RNF180: variants seen among roughly 807,000 people sequenced by gnomAD.
RNF180 encodes ring finger protein 180.
RNF180 carries 38 observed loss-of-function variants against 59.2 expected under a neutral mutation model. The observed-to-expected ratio is 0.64, with a 90% confidence interval of 0.50 to 0.84. The LOEUF (loss-of-function observed/expected upper bound fraction) is 0.84, where lower values mean the gene tolerates loss of function less well. RNF180 is among the 40% of genes least tolerant of loss of function. The pLI is 0.00. For synonymous variants in RNF180, 262 were observed against 240.3 expected (o/e 1.09, Z -0.84); for missense variants, 705 against 700.9 (o/e 1.01, Z -0.07).
chr5:64,339,000 A>G (rs957027330), intron 7 of RNF180, among the ~76,000 whole-genome samples: 9 of 151,440 alleles, frequency 5.9e-5, no homozygotes, highest in East Asian at 1.9e-4. Flanking sequence ...TGTTTTGTCA[A>G]TTTCTTCCTA....
chr5:64,342,295 A>T (rs1359255537), intron 7 of RNF180, among the ~76,000 whole-genome samples: 1 of 152,160 alleles, frequency 6.6e-6, no homozygotes, highest in African/African-American at 2.4e-5. Flanking sequence ...CCCCTAAGAA[A>T]GCTAATATTG....
intron 5 of RNF180, among the ~76,000 whole-genome samples, chr5:64,315,342 T>C (rs1266640611): frequency 2.6e-5 from 4 of 152,184 alleles, no homozygotes; most frequent in Non-Finnish European, 4.4e-5. Context: ...TTTGTGAAAA[T>C]GTCTACCAAA....
chr5:64,213,500 T>G lies in RNF180; in HGVS notation c.232-58T>G. 3.3e-6 allele frequency: 5 copies of G among 1,498,438 alleles called. No homozygotes were observed. The South Asian group carries it at 5.5e-5, about 17-fold the overall frequency. The allele number at this position is 1,498,438 out of a possible 1,614,324, so 92.8% of individuals were successfully genotyped here. On this transcript the variant is annotated intron_variant, in intron 3 of 7. Coordinates refer to ENST00000389100, the MANE Select transcript of RNF180 (RefSeq NM_001113561.2). ...TGGCTGGCTTTAAAGAAAAAAAAATTTCTCTTCAGTTACTTTATAATGAAA... is the reference window on the plus strand; with the variant it reads ...TGGCTGGCTTTAAAGAAAAAAAAATGTCTCTTCAGTTACTTTATAATGAAA...
intron 5 of RNF180, among the ~76,000 whole-genome samples, chr5:64,270,559 G>T (rs919190313): frequency 6.6e-6 from 1 of 152,098 alleles, no homozygotes; most frequent in East Asian, 1.9e-4. Flanking sequence ...CAACAGTTCT[G>T]TGAGGGAAGT....
chr5:64,192,010 G>T (rs1456263891), intron 1 of RNF180, among the ~76,000 whole-genome samples: 2 of 151,814 alleles, frequency 1.3e-5, no homozygotes, highest in African/African-American at 4.8e-5. Flanking sequence ...TTTTGCATGT[G>T]GGTGTCCAGT....
chr5:64,203,387 C>T (rs1477515001), intron 2 of RNF180, among the ~76,000 whole-genome samples: 1 of 152,110 alleles, frequency 6.6e-6, no homozygotes, highest in African/African-American at 2.4e-5. Context: ...TAGATAATAA[C>T]TTAATGATTT....
intron 5 of RNF180, among the ~76,000 whole-genome samples, chr5:64,222,360 A>C (rs1202842275): frequency 6.6e-6 from 1 of 152,174 alleles, no homozygotes; most frequent in Non-Finnish European, 1.5e-5. Context: ...ATATGTATAC[A>C]TGTGCCATGT....
At chr5:64,176,173 A>T (rs1468262185) in intron 1 of RNF180, among the ~76,000 whole-genome samples, 1 of 152,108 alleles carries the variant, frequency 6.6e-6, no homozygotes, top group Non-Finnish European at 1.5e-5. Context: ...CTTAATGTAA[A>T]GGTTTTCTAT....
chr5:64,167,844 A>G (rs1302400512), intron 1 of RNF180, among the ~76,000 whole-genome samples: 1 of 152,166 alleles, frequency 6.6e-6, no homozygotes, highest in East Asian at 1.9e-4. Context: ...CCATTTGGCC[A>G]TCTGAAAAAA....
At chr5:64,315,081 T>C (rs1041241296) in intron 5 of RNF180, among the ~76,000 whole-genome samples, 1 of 152,200 alleles carries the variant, frequency 6.6e-6, no homozygotes, top group African/African-American at 2.4e-5. Context: ...ATTAGACATT[T>C]GGAAGATATT....
At chr5:64,290,443 G>T (rs923074181) in intron 5 of RNF180, among the ~76,000 whole-genome samples, 2 of 152,148 alleles carry the variant, frequency 1.3e-5, no homozygotes, top group African/African-American at 4.8e-5. Context: ...TTAATTTTCT[G>T]TCTCAGTGAT....
chr5:64,224,460 G>T (rs1365347531), intron 5 of RNF180, among the ~76,000 whole-genome samples: 1 of 152,212 alleles, frequency 6.6e-6, no homozygotes, highest in Non-Finnish European at 1.5e-5. Flanking sequence ...TTGAGAGAAT[G>T]AGAGTTTTGA....
chr5:64,276,317 T>C (rs889934485), intron 5 of RNF180, among the ~76,000 whole-genome samples: 2 of 130,818 alleles, frequency 1.5e-5, no homozygotes, highest in African/African-American at 3.1e-5. Context: ...AAAAAATACA[T>C]TGGTGTGTGT....
chr5:64,361,795 C>T (rs1419022982), intron 7 of RNF180, among the ~76,000 whole-genome samples: 1 of 151,332 alleles, frequency 6.6e-6, no homozygotes, highest in African/African-American at 2.4e-5. Flanking sequence ...AATCCAAATC[C>T]TTTTTTAGAA....
intron 1 of RNF180, among the ~76,000 whole-genome samples, chr5:64,198,997 T>C (rs1328347394): frequency 6.6e-6 from 1 of 152,148 alleles, no homozygotes; most frequent in East Asian, 1.9e-4. Flanking sequence ...TTTGTATTTT[T>C]AGTAGAGACA....
intron 5 of RNF180, chr5:64,217,629 T>C (rs1752703822): frequency 1.9e-6 from 1 of 534,320 alleles, no homozygotes; most frequent in Non-Finnish European, 2.7e-6. Context: ...TATTTTACAT[T>C]TGTATATATT....
At chr5:64,358,619 G>C (rs552521989) in intron 7 of RNF180, among the ~76,000 whole-genome samples, 1 of 151,606 alleles carries the variant, frequency 6.6e-6, no homozygotes, top group African/African-American at 2.4e-5. Flanking sequence ...TTATAGGCTA[G>C]ATTTATCAAA....
intron 1 of RNF180, among the ~76,000 whole-genome samples, chr5:64,194,968 A>C (rs180713596): frequency 5.9e-4 from 90 of 152,340 alleles, no homozygotes; most frequent in African/African-American, 2.1e-3. Flanking sequence ...CAAACTGAAC[A>C]TGTATATATG....
At chr5:64,263,690 A>G (rs931800458) in intron 5 of RNF180, among the ~76,000 whole-genome samples, 1 of 152,066 alleles carries the variant, frequency 6.6e-6, no homozygotes, top group African/African-American at 2.4e-5. Flanking sequence ...TATTTTACCT[A>G]ATTTACTTAC....
Sources: allele counts gnomAD v4.1 joint callset (sites outside exome capture counted in the v4.1 genomes callset), GRCh38; gene constraint gnomAD v4.1.1; transcripts MANE v1.5; gene names NCBI Gene and HGNC (gene_info 2026-07-23, HGNC 2026-07-21).